The following HNF4A variants were observed in gnomAD, a reference collection of about 807,000 sequenced individuals.
HNF4A encodes the protein hepatocyte nuclear factor 4 alpha, also known as hepatocyte nuclear factor 4-alpha.
In HNF4A, 15 loss-of-function variants were observed where a neutral mutation model predicts 52.4. The observed-to-expected ratio is 0.29, with a 90% CI of 0.19 to 0.44. The LOEUF is 0.44. HNF4A is among the 20% of genes least tolerant of loss of function. The pLI, the probability that HNF4A is intolerant of heterozygous loss-of-function variation, is 1.00. For synonymous variants in HNF4A, 280 were observed against 264.4 expected, an observed-to-expected ratio of 1.06 and a Z score of -0.57; for missense variants, 479 against 647.2, an observed-to-expected ratio of 0.74 and a Z score of 2.82.
chr20:44,386,763 A>T (rs2063229470), intron 1 of HNF4A, among the ~76,000 whole-genome samples: 1 of 152,246 alleles, frequency 6.6e-6, no homozygotes, highest in South Asian at 2.1e-4. Flanking sequence ...CCCAAATGTC[A>T]TTAGTGCTTA....
intron 7 of HNF4A, among the ~76,000 whole-genome samples, chr20:44,423,316 A>C (rs532543935): frequency 2.1e-4 from 32 of 152,162 alleles, no homozygotes; most frequent in South Asian, 1.9e-3. Flanking sequence ...ACTCAGTCTC[A>C]AAATAAAATA....
intron 5 of HNF4A, among the ~76,000 whole-genome samples, chr20:44,417,088 C>G (rs1395747008): frequency 2.0e-5 from 3 of 152,198 alleles, no homozygotes; most frequent in Non-Finnish European, 4.4e-5. Flanking sequence ...TAAAAAGTGT[C>G]TGGCATTTAG....
rs185152161 is a variant in HNF4A at position 44,429,344 on chromosome 20, G to A, written c.1283-179G>A. On this transcript the variant is annotated intron_variant, in intron 9 of 9. Coordinates refer to ENST00000316099, the MANE Select transcript of HNF4A (RefSeq NM_000457.6). ...GCTTTATGATCTGGGACTCACAGAA[G>A]GTTGAGCAATAAAAGACCTTAGGGA... Among the ~76,000 whole-genome samples, 86 of 152,112 alleles carry A rather than the reference G, an allele frequency of 5.7e-4. No individual in the cohort carries two copies. In the South Asian group the frequency reaches 0.013, roughly 23 times the overall value.
chr20:44,420,841 T>A (rs1319963817), intron 7 of HNF4A, among the ~76,000 whole-genome samples: 5 of 151,312 alleles, frequency 3.3e-5, no homozygotes, highest in Non-Finnish European at 7.4e-5. Flanking sequence ...AATAAATAAA[T>A]AAATCTACAC....
intron 1 of HNF4A, chr20:44,390,751 G>T (rs2063293026): frequency 1.5e-6 from 1 of 681,820 alleles, no homozygotes; most frequent in Non-Finnish European, 2.7e-6. Flanking sequence ...AACCAAGGGG[G>T]AGGATTCCAG....
chr20:44,358,556 G>T (rs551723662), intron 1 of HNF4A, among the ~76,000 whole-genome samples: 8 of 152,292 alleles, frequency 5.3e-5, no homozygotes, highest in Non-Finnish European at 1.0e-4. Flanking sequence ...GTTGCATTAA[G>T]CTGAGATCAT....
intron 1 of HNF4A, among the ~76,000 whole-genome samples, chr20:44,371,377 A>G (rs1237313530): frequency 2.6e-5 from 4 of 152,188 alleles, no homozygotes; most frequent in African/African-American, 9.6e-5. Flanking sequence ...TCCCAGGTTC[A>G]AGTAATTCTC....
chr20:44,370,676 C>G (rs1194940112), intron 1 of HNF4A, among the ~76,000 whole-genome samples: 5 of 152,204 alleles, frequency 3.3e-5, no homozygotes, highest in Admixed American at 3.3e-4. Context: ...GCATGTAGAA[C>G]AGTGCTTGAC....
intron 1 of HNF4A, among the ~76,000 whole-genome samples, chr20:44,380,549 C>T (rs1407309050): frequency 6.6e-6 from 1 of 152,218 alleles, no homozygotes; most frequent in African/African-American, 2.4e-5. Flanking sequence ...CTGCCTCTGC[C>T]TCACAAAGTG....
chr20:44,423,958 C>T (rs567953744), intron 7 of HNF4A, 60 bp from the exon 8 acceptor site: 21 of 1,532,152 alleles, frequency 1.4e-5, no homozygotes, highest in Middle Eastern at 1.9e-4. Flanking sequence ...TGGGTCTTGA[C>T]TCCCCAGATG....
chr20:44,392,294 A>G (rs1239672063), intron 1 of HNF4A, among the ~76,000 whole-genome samples: 1 of 152,170 alleles, frequency 6.6e-6, no homozygotes, highest in African/African-American at 2.4e-5. Context: ...TACAGATGGG[A>G]AAACTGAGCC....
At chr20:44,417,652 C>G (rs903058995) in intron 5 of HNF4A, among the ~76,000 whole-genome samples, 2 of 152,114 alleles carry the variant, frequency 1.3e-5, no homozygotes, top group African/African-American at 2.4e-5. Context: ...CATACAAAAT[C>G]AGGATCAGAA....
intron 1 of HNF4A, among the ~76,000 whole-genome samples, chr20:44,382,529 G>T (rs78916930): frequency 1.3e-5 from 2 of 151,898 alleles, no homozygotes; most frequent in South Asian, 4.1e-4. Context: ...GAGCCATGCC[G>T]CTGCACTCGG....
intron 1 of HNF4A, among the ~76,000 whole-genome samples, chr20:44,388,096 T>A (rs1381941388): frequency 7.8e-6 from 1 of 127,884 alleles, no homozygotes; most frequent in South Asian, 2.7e-4. Flanking sequence ...ATTAATTTTT[T>A]TTTTTAAATT....
intron 7 of HNF4A, among the ~76,000 whole-genome samples, chr20:44,420,271 G>T (rs1231783222): frequency 6.6e-6 from 1 of 152,022 alleles, no homozygotes; most frequent in Non-Finnish European, 1.5e-5. Flanking sequence ...GGCGGAGGTT[G>T]CAGTGAGCCA....
At chr20:44,369,709 C>T (rs1302116830) in intron 1 of HNF4A, among the ~76,000 whole-genome samples, 1 of 152,110 alleles carries the variant, frequency 6.6e-6, no homozygotes, top group African/African-American at 2.4e-5. Context: ...CTCTGTCATC[C>T]AGGCTAGAGT....
At chr20:44,397,613 T>A (rs1273079960), upstream of HNF4A, among the ~76,000 whole-genome samples, 2 of 151,940 alleles carry the variant, frequency 1.3e-5, no homozygotes, top group African/African-American at 2.4e-5. Flanking sequence ...CGTCTCTTCA[T>A]CCCCTGAAGA....
chr20:44,357,002 G>A (rs1254940913), intron 1 of HNF4A, among the ~76,000 whole-genome samples: 2 of 152,092 alleles, frequency 1.3e-5, no homozygotes, highest in African/African-American at 2.4e-5. Flanking sequence ...GGGGAACAAG[G>A]ATGTAAAGCC....
At chr20:44,425,210 C>T (rs1004695220) in intron 8 of HNF4A, among the ~76,000 whole-genome samples, 3 of 152,214 alleles carry the variant, frequency 2.0e-5, no homozygotes, top group African/African-American at 4.8e-5. Flanking sequence ...TCTCAAACTC[C>T]TGACCTCAAG....
Sources: gnomAD v4.1 joint callset for allele counts (sites outside exome capture counted in the v4.1 genomes callset) on GRCh38, gnomAD v4.1.1 for gene constraint, MANE v1.5 for transcripts, NCBI Gene and HGNC (gene_info 2026-07-23, HGNC 2026-07-21) for gene names.